PLXNA4: variants seen among roughly 807,000 people sequenced by gnomAD.
PLXNA4 encodes plexin A4, also known as plexin-A4.
Under a neutral mutation model 191.8 loss-of-function variants are expected in PLXNA4, and 44 were observed. That is an observed-to-expected ratio of 0.23 (90% CI 0.18 to 0.29). PLXNA4 has a LOEUF of 0.29. PLXNA4 is among the 10% of genes least tolerant of loss of function. PLXNA4 has a pLI of 1.00. For synonymous variants in PLXNA4, 1,082 were observed against 1,009.5 expected, an observed-to-expected ratio of 1.07 and a Z score of -1.36; for missense variants, 1,800 against 2,488.8, an observed-to-expected ratio of 0.72 and a Z score of 5.89.
chr7:132,359,755 T>C (rs972205750), intron 3 of PLXNA4, among the ~76,000 whole-genome samples: 1 of 152,212 alleles, frequency 6.6e-6, no homozygotes, highest in Admixed American at 6.5e-5. Context: ...TGTGTATGTC[T>C]GTGTCTTTGT....
chr7:132,575,185 G>A (rs1585377030), intron 1 of PLXNA4, among the ~76,000 whole-genome samples: 1 of 152,150 alleles, frequency 6.6e-6, no homozygotes, highest in Non-Finnish European at 1.5e-5. Flanking sequence ...CCCAAGAAGG[G>A]AACTATGGAA....
intron 3 of PLXNA4, among the ~76,000 whole-genome samples, chr7:132,333,622 G>T (rs537416991): frequency 1.3e-5 from 2 of 152,188 alleles, no homozygotes; most frequent in Non-Finnish European, 2.9e-5. Context: ...AATCCAGGAG[G>T]TGTCTGGGTT....
intron 2 of PLXNA4, among the ~76,000 whole-genome samples, chr7:132,626,905 T>G (rs1161859605): frequency 6.6e-6 from 1 of 152,146 alleles, no homozygotes; most frequent in Admixed American, 6.5e-5. Context: ...AACAACATGG[T>G]ACTCTGTCCG....
chr7:132,155,882 A>G (rs1795776960), intron 25 of PLXNA4, among the ~76,000 whole-genome samples: 1 of 152,218 alleles, frequency 6.6e-6, no homozygotes, highest in Admixed American at 6.5e-5. Context: ...GATTTTGAAT[A>G]AAGCAGATTT....
At chr7:132,494,408 C>T (rs1443553006) in intron 2 of PLXNA4, among the ~76,000 whole-genome samples, 2 of 152,178 alleles carry the variant, frequency 1.3e-5, no homozygotes, top group Non-Finnish European at 2.9e-5. Context: ...GTGATTCCAA[C>T]CCCCTCTTGC....
At chr7:132,474,040 C>CA (rs1161194188) in intron 3 of PLXNA4, among the ~76,000 whole-genome samples, 3 of 150,538 alleles carry the variant, frequency 2.0e-5, no homozygotes, top group Non-Finnish European at 3.0e-5. Flanking sequence ...ACAGAAATGA[C>CA]AAAAAACAAA....
At chr7:132,384,818 G>A in intron 3 of PLXNA4, 1 of 1,132,506 alleles carries the variant, frequency 8.8e-7, no homozygotes, top group Non-Finnish European at 1.1e-6. Flanking sequence ...CTGCAGAAGT[G>A]GACAGATGAG....
intron 3 of PLXNA4, among the ~76,000 whole-genome samples, chr7:132,332,177 C>T (rs933622325): frequency 6.6e-6 from 1 of 152,176 alleles, no homozygotes; most frequent in Non-Finnish European, 1.5e-5. Context: ...GGAAGGAACC[C>T]ATGGTGCCCA....
At chr7:132,443,707 T>C (rs1248106994) in intron 3 of PLXNA4, among the ~76,000 whole-genome samples, 2 of 152,206 alleles carry the variant, frequency 1.3e-5, no homozygotes, top group African/African-American at 2.4e-5. Context: ...TTATTACACA[T>C]AAGTGAAAAT....
At chr7:132,367,060 T>C (rs1196484829) in intron 3 of PLXNA4, among the ~76,000 whole-genome samples, 3 of 152,222 alleles carry the variant, frequency 2.0e-5, no homozygotes, top group Non-Finnish European at 4.4e-5. Context: ...CATGAGCCAC[T>C]GTACCTAGCT....
chr7:132,316,387 G>A (rs779229271), intron 3 of PLXNA4, among the ~76,000 whole-genome samples: 4 of 152,122 alleles, frequency 2.6e-5, no homozygotes, highest in Admixed American at 6.5e-5. Flanking sequence ...TGACTTAAAC[G>A]CATGGAAAAT....
chr7:132,434,787 C>G (rs1011186140), intron 3 of PLXNA4, among the ~76,000 whole-genome samples: 24 of 152,336 alleles, frequency 1.6e-4, no homozygotes, highest in African/African-American at 5.8e-4. Flanking sequence ...GCTGCATAAG[C>G]TGGCACAGCC....
Position 132,159,486 on chromosome 7 carries a change from T to G in PLXNA4, c.4647A>C (p.Ala1549=). ...CAGCCTACTCACCCAGATCCATATC[T>G]GCAGCTTTGGGCCGGTGGGAGCAAG... ...NVPCSHRPKA[A]DMDLEWRQGS... Residue 1549 remains alanine, a synonymous_variant, in exon 25 of 32, where the codon GCA becomes GCC. Coordinates refer to ENST00000321063, the MANE Select transcript of PLXNA4 (RefSeq NM_020911.2). 6.2e-7 allele frequency: 1 copy of G among 1,614,168 alleles called. No homozygotes were observed. The highest frequency in any genetic ancestry group is 8.5e-7 in the Non-Finnish European group (1 of 1,180,000).
At chr7:132,194,246 C>T in intron 13 of PLXNA4, 67 bp from the exon 14 acceptor site, 1 of 1,538,946 alleles carries the variant, frequency 6.5e-7, no homozygotes, top group Non-Finnish European at 8.8e-7. Context: ...CACCCCACAG[C>T]ACCTACCCAG....
Position 132,182,115 on chromosome 7 carries a change from T to A in PLXNA4, c.3234A>T (p.Gly1078=). The change falls in exon 17 of 32, where the codon GGA becomes GGT. Residue 1078 remains glycine, a synonymous_variant. Transcript: ENST00000321063. The part of the protein sequence containing the change: ...IQNPQIRAKH[G]GKEHINICEV... ...CACTCACATTGATGTGCTCCTTCCCTCCATGCTTGGCACGGATCTGGGGGT... is the reference window on the plus strand; with the variant it reads ...CACTCACATTGATGTGCTCCTTCCCACCATGCTTGGCACGGATCTGGGGGT... The A allele has an allele frequency of 6.2e-7, 1 of 1,614,116 alleles. No homozygotes were observed. The highest frequency in any genetic ancestry group is 8.5e-7 in the Non-Finnish European group (1 of 1,180,014).
chr7:132,200,735 G>A (rs1349404), intron 12 of PLXNA4, among the ~76,000 whole-genome samples: 16,241 of 152,282 alleles, frequency 0.11, 917 homozygotes, highest in Middle Eastern at 0.14. Flanking sequence ...CCTGGTGCAC[G>A]TGCACAATTT....
intron 1 of PLXNA4, among the ~76,000 whole-genome samples, chr7:132,562,992 C>T (rs1350908122): frequency 1.8e-5 from 2 of 108,566 alleles, no homozygotes; most frequent in African/African-American, 3.8e-5. Context: ...CCTTCTCCTC[C>T]TCCTCCTCCT....
At chr7:132,588,637 A>G (rs941089137) in intron 2 of PLXNA4, among the ~76,000 whole-genome samples, 5 of 67,224 alleles carry the variant, frequency 7.4e-5, no homozygotes, top group African/African-American at 4.4e-4. Context: ...GGAAGGAAGG[A>G]AGGGAAGGGA....
intron 2 of PLXNA4, among the ~76,000 whole-genome samples, chr7:132,618,103 C>T (rs1240096314): frequency 1.3e-5 from 2 of 152,316 alleles, no homozygotes; most frequent in East Asian, 3.9e-4. Flanking sequence ...AGAATTGAGT[C>T]GTATGGCCAA....
Sources: gnomAD v4.1 joint callset for allele counts (sites outside exome capture counted in the v4.1 genomes callset) on GRCh38, gnomAD v4.1.1 for gene constraint, MANE v1.5 for transcripts, NCBI Gene and HGNC (gene_info 2026-07-23, HGNC 2026-07-21) for gene names.